PTPRD: variants seen among roughly 807,000 people sequenced by gnomAD.
The protein encoded by PTPRD is protein tyrosine phosphatase receptor type D.
Under a neutral mutation model 214.5 loss-of-function variants are expected in PTPRD, and 34 were observed. The observed-to-expected ratio is 0.16, with a 90% CI of 0.12 to 0.21. PTPRD has a LOEUF of 0.21. Among genes scored for constraint, PTPRD ranks in the 10% least tolerant of loss-of-function variants. The pLI is 1.00. For synonymous variants in PTPRD, 1,128 were observed against 845.7 expected, an observed-to-expected ratio of 1.33 and a Z score of -5.79; for missense variants, 2,545 against 2,398.7, an observed-to-expected ratio of 1.06 and a Z score of -1.27.
chr9:8,570,504 G>A (rs1427725218), intron 14 of PTPRD, among the ~76,000 whole-genome samples: 1 of 152,058 alleles, frequency 6.6e-6, no homozygotes, highest in East Asian at 1.9e-4. Context: ...ATTAAAATGT[G>A]GTGTGTAAAG....
intron 9 of PTPRD, among the ~76,000 whole-genome samples, chr9:9,285,917 T>C (rs1339410624): frequency 6.6e-6 from 1 of 151,788 alleles, no homozygotes; most frequent in Non-Finnish European, 1.5e-5. Flanking sequence ...TTAGTGTATC[T>C]TCTCAGTCCA....
intron 14 of PTPRD, among the ~76,000 whole-genome samples, chr9:8,599,169 T>A (rs923929220): frequency 6.6e-6 from 1 of 152,142 alleles, no homozygotes; most frequent in Non-Finnish European, 1.5e-5. Context: ...CATTCCACCA[T>A]GTAAAACATG....
At chr9:10,342,017 G>A (rs891572431) in intron 2 of PTPRD, among the ~76,000 whole-genome samples, 10 of 152,030 alleles carry the variant, frequency 6.6e-5, no homozygotes, top group African/African-American at 2.2e-4. Context: ...TTAAGTGTAT[G>A]CTAGGATCAA....
intron 10 of PTPRD, among the ~76,000 whole-genome samples, chr9:9,076,390 G>A (rs569295060): frequency 6.6e-6 from 1 of 151,726 alleles, no homozygotes; most frequent in South Asian, 2.1e-4. Flanking sequence ...AAGCTCTTTA[G>A]TTTAATTAGT....
intron 12 of PTPRD, among the ~76,000 whole-genome samples, chr9:8,673,933 C>G (rs546551807): frequency 7.3e-4 from 111 of 152,192 alleles, no homozygotes; most frequent in African/African-American, 2.5e-3. Flanking sequence ...CACATCCTGC[C>G]CCCTATTCTG....
At chr9:9,120,738 C>T (rs1040999130) in intron 10 of PTPRD, among the ~76,000 whole-genome samples, 3 of 152,116 alleles carry the variant, frequency 2.0e-5, no homozygotes, top group South Asian at 2.1e-4. Flanking sequence ...AAATTTCCTT[C>T]AGGTATTCTT....
At chr9:9,816,810 T>C (rs2048928009) in intron 5 of PTPRD, among the ~76,000 whole-genome samples, 1 of 151,946 alleles carries the variant, frequency 6.6e-6, no homozygotes, top group South Asian at 2.1e-4. Context: ...AAAAAATCCT[T>C]CAATAGTAAG....
chr9:10,114,485 TCTCA>T (rs1444456890), intron 3 of PTPRD, among the ~76,000 whole-genome samples: 5 of 152,128 alleles, frequency 3.3e-5, no homozygotes, highest in Non-Finnish European at 5.9e-5. Flanking sequence ...TCTCGCTCGC[TCTCA>T]CTCTCTCTCT....
At chr9:9,937,745 A>C (rs2090069054) in intron 5 of PTPRD, among the ~76,000 whole-genome samples, 1 of 152,150 alleles carries the variant, frequency 6.6e-6, no homozygotes. Context: ...ATTGCATGTG[A>C]ATTACCCATA....
chr9:10,098,886 G>C (rs192698301), intron 3 of PTPRD, among the ~76,000 whole-genome samples: 1 of 151,858 alleles, frequency 6.6e-6, no homozygotes, highest in East Asian at 1.9e-4. Context: ...CACCATTTCA[G>C]TTCCCAGTAT....
chr9:9,104,823 A>T (rs763864280), intron 10 of PTPRD, among the ~76,000 whole-genome samples: 6 of 152,170 alleles, frequency 3.9e-5, no homozygotes, highest in Non-Finnish European at 8.8e-5. Context: ...CTCGGGAAAC[A>T]GGGGAGTTCG....
At chr9:9,772,183 C>T (rs866016257) in intron 5 of PTPRD, among the ~76,000 whole-genome samples, 12 of 151,898 alleles carry the variant, frequency 7.9e-5, no homozygotes, top group South Asian at 2.1e-4. Flanking sequence ...TAGAACACAG[C>T]GAGAGATACA....
At chr9:10,400,087 G>A (rs1369736778) in intron 2 of PTPRD, among the ~76,000 whole-genome samples, 2 of 151,708 alleles carry the variant, frequency 1.3e-5, no homozygotes, top group Non-Finnish European at 2.9e-5. Context: ...CCGATATAGT[G>A]GTTAAGCATG....
intron 5 of PTPRD, among the ~76,000 whole-genome samples, chr9:9,900,896 A>G (rs972959191): frequency 2.0e-5 from 3 of 151,926 alleles, no homozygotes; most frequent in African/African-American, 7.3e-5. Flanking sequence ...TGACCTCCCA[A>G]TTTTCAGGTA....
At chr9:8,997,876 G>A (rs1427279012) in intron 11 of PTPRD, among the ~76,000 whole-genome samples, 1 of 152,050 alleles carries the variant, frequency 6.6e-6, no homozygotes, top group Non-Finnish European at 1.5e-5. Flanking sequence ...CAGCCTTATT[G>A]CTGATATGGA....
Position 8,621,215 on chromosome 9 carries a change from C to T in PTPRD, c.352+12102G>A, listed in dbSNP as rs527459923. 2.6e-5 allele frequency among the ~76,000 whole-genome samples: 4 copies of T among 151,790 alleles called. No individual in the cohort carries two copies. In the South Asian group the frequency reaches 6.2e-4, roughly 24 times the overall value. ...ATTCTGAGAGAGATTTTCTGGCACC[C>T]GAGTATGGCAAGAGTTTGGTGGGGG... On this transcript the variant is annotated intron_variant, in intron 14 of 45. Coordinates refer to ENST00000381196, the MANE Select transcript of PTPRD (RefSeq NM_002839.4).
intron 11 of PTPRD, among the ~76,000 whole-genome samples, chr9:8,866,429 T>C (rs898681403): frequency 6.6e-6 from 1 of 152,172 alleles, no homozygotes; most frequent in Non-Finnish European, 1.5e-5. Flanking sequence ...TCTGCTCCCA[T>C]TGTTTTCCTG....
At chr9:9,303,377 T>C (rs2134986947) in intron 9 of PTPRD, among the ~76,000 whole-genome samples, 1 of 152,172 alleles carries the variant, frequency 6.6e-6, no homozygotes, top group Middle Eastern at 3.4e-3. Flanking sequence ...CAGTTGACAG[T>C]AGTAAAATAC....
At chr9:8,484,988 A>G (rs1237863116) in intron 29 of PTPRD, among the ~76,000 whole-genome samples, 2 of 152,180 alleles carry the variant, frequency 1.3e-5, no homozygotes, top group Admixed American at 1.3e-4. Context: ...TTCAAGTTCA[A>G]AGTAGTAGGT....
Sources: allele counts gnomAD v4.1 joint callset (sites outside exome capture counted in the v4.1 genomes callset), GRCh38; gene constraint gnomAD v4.1.1; transcripts MANE v1.5; gene names NCBI Gene and HGNC (gene_info 2026-07-23, HGNC 2026-07-21).